Variants in NCEH1 observed in about 807,000 individuals in gnomAD.
NCEH1 encodes the protein neutral cholesterol ester hydrolase 1, also known as 2-acetyl MAGE hydrolase.
A neutral mutation model predicts 25.4 loss-of-function variants in NCEH1; 9 were observed. That is an observed-to-expected ratio of 0.35 (90% CI 0.21 to 0.62). The LOEUF (loss-of-function observed/expected upper bound fraction) is 0.62. Ranked by LOEUF, NCEH1 falls within the 20% of genes least tolerant of loss-of-function variation. The pLI, the probability that NCEH1 is intolerant of heterozygous loss-of-function variation, is 0.72. For synonymous variants in NCEH1, 200 were observed against 199.8 expected (o/e 1.00, Z -0.01); for missense variants, 412 against 501.1 (o/e 0.82, Z 1.70).
chr3:172,691,776 C>G (rs1297643000), intron 1 of NCEH1, among the ~76,000 whole-genome samples: 1 of 152,234 alleles, frequency 6.6e-6, no homozygotes, highest in Non-Finnish European at 1.5e-5. Context: ...GGTGAAACTC[C>G]ATCTCTACTA....
At chr3:172,673,916 C>T (rs1449022689) in intron 1 of NCEH1, among the ~76,000 whole-genome samples, 1 of 152,172 alleles carries the variant, frequency 6.6e-6, no homozygotes, top group Admixed American at 6.5e-5. Context: ...GATGAAAGTC[C>T]TTAAAATCCT....
intron 1 of NCEH1, among the ~76,000 whole-genome samples, chr3:172,665,471 T>G (rs1422901293): frequency 6.6e-6 from 1 of 152,226 alleles, no homozygotes; most frequent in Non-Finnish European, 1.5e-5. Context: ...CTGTCCGTTC[T>G]CAGATCTCAA....
intron 3 of NCEH1, among the ~76,000 whole-genome samples, chr3:172,636,699 G>A (rs958366560): frequency 4.6e-5 from 7 of 152,192 alleles, no homozygotes; most frequent in East Asian, 1.9e-4. Context: ...CCTAGAGCAG[G>A]CCCTCGGGGA....
At chr3:172,639,179 T>C (rs1261632639) in intron 3 of NCEH1, among the ~76,000 whole-genome samples, 1 of 151,370 alleles carries the variant, frequency 6.6e-6, no homozygotes, top group Admixed American at 6.6e-5. Context: ...GTGCTTGTAA[T>C]CCCAGCTACT....
intron 3 of NCEH1, 76 bp downstream of exon 3, chr3:172,645,547 T>A: frequency 3.3e-6 from 3 of 910,446 alleles, no homozygotes; most frequent in Non-Finnish European, 5.2e-6. Flanking sequence ...TTATCACTTG[T>A]AAAACAAAGT....
chr3:172,675,550 G>C (rs1013964843), intron 1 of NCEH1, among the ~76,000 whole-genome samples: 8 of 152,074 alleles, frequency 5.3e-5, no homozygotes, highest in Non-Finnish European at 8.8e-5. Flanking sequence ...TGTTGTAAGA[G>C]AGTCTGTGAA....
chr3:172,644,577 C>T (rs1224569987), intron 3 of NCEH1, among the ~76,000 whole-genome samples: 3 of 152,188 alleles, frequency 2.0e-5, no homozygotes, highest in African/African-American at 4.8e-5. Context: ...CCCATCTATG[C>T]GATGAGCTAG....
At chr3:172,689,660 G>C (rs1712917670) in intron 1 of NCEH1, among the ~76,000 whole-genome samples, 1 of 135,714 alleles carries the variant, frequency 7.4e-6, no homozygotes. Flanking sequence ...GCAATGAGCT[G>C]AGATTGTACC....
At chr3:172,707,352 C>T (rs542713712) in intron 1 of NCEH1, among the ~76,000 whole-genome samples, 12 of 152,308 alleles carry the variant, frequency 7.9e-5, no homozygotes, top group African/African-American at 2.9e-4. Flanking sequence ...TGCTATAACA[C>T]AGAAATTTGC....
intron 1 of NCEH1, among the ~76,000 whole-genome samples, chr3:172,650,930 T>G (rs1207073506): frequency 6.6e-6 from 1 of 151,708 alleles, no homozygotes; most frequent in African/African-American, 2.4e-5. Context: ...CAAGAAAAAC[T>G]GTGCTAATGT....
rs953009537 is a variant in NCEH1 at position 172,641,461 on chromosome 3, C to G, written c.437+4162G>C. On this transcript the variant is annotated intron_variant, in intron 3 of 4. Transcript: ENST00000475381. ...TGCTCATAAGAGGTGATTCCATTACCAAGGCTGCTGGAACCCCTGCCCACC... is the reference window on the plus strand; with the variant it reads ...TGCTCATAAGAGGTGATTCCATTACGAAGGCTGCTGGAACCCCTGCCCACC... Among the ~76,000 whole-genome samples, 8 of 152,218 alleles carry G rather than the reference C, an allele frequency of 5.3e-5. No homozygotes were observed. In the East Asian group the frequency reaches 9.7e-4, roughly 18 times the overall value.
intron 1 of NCEH1, among the ~76,000 whole-genome samples, chr3:172,652,522 T>TCC (rs1242063349): frequency 1.3e-5 from 2 of 152,134 alleles, no homozygotes; most frequent in Non-Finnish European, 2.9e-5. Flanking sequence ...TATAAGATCC[T>TCC]CCAAAACCTA....
At chr3:172,672,758 G>A (rs956408872) in intron 1 of NCEH1, among the ~76,000 whole-genome samples, 1 of 152,232 alleles carries the variant, frequency 6.6e-6, no homozygotes, top group Non-Finnish European at 1.5e-5. Flanking sequence ...TTGCAGGCTG[G>A]CAAAGTCCAG....
At position 172,635,906 on chromosome 3, in the gene NCEH1, G is replaced by A. The variant is rs776663950; in HGVS notation, c.609+10C>T. The A allele has an allele frequency of 1.2e-6, 2 of 1,613,798 alleles. No individual in the cohort carries two copies. The highest frequency in any genetic ancestry group is 1.7e-6 in the Non-Finnish European group (2 of 1,179,722). On this transcript the variant is annotated intron_variant, in intron 4 of 4. Coordinates refer to ENST00000475381, the MANE Select transcript of NCEH1 (RefSeq NM_020792.6). ...CTTAACCCACCAGCACCTTAGGACAGTGGTGTTACCTGTTGTCCAAGGGCA... is the reference window on the plus strand; with the variant it reads ...CTTAACCCACCAGCACCTTAGGACAATGGTGTTACCTGTTGTCCAAGGGCA...
chr3:172,675,554 CTG>C (rs1711948835), intron 1 of NCEH1, among the ~76,000 whole-genome samples: 1 of 151,758 alleles, frequency 6.6e-6, no homozygotes. Flanking sequence ...GTAAGAGAGT[CTG>C]TGAAAATCAT....
At chr3:172,671,431 G>A (rs550546027) in intron 1 of NCEH1, among the ~76,000 whole-genome samples, 44 of 151,630 alleles carry the variant, frequency 2.9e-4, no homozygotes, top group African/African-American at 9.7e-4. Context: ...CATACCTTTC[G>A]GGTAAAATAT....
chr3:172,640,547 GC>G (rs1338353669), intron 3 of NCEH1, among the ~76,000 whole-genome samples: 1 of 151,498 alleles, frequency 6.6e-6, no homozygotes, highest in Admixed American at 6.6e-5. Flanking sequence ...TCGCTCTGTC[GC>G]CCAGGCTGGA....
chr3:172,706,499 C>CTTTTTTTTTTTT (rs768288361), intron 1 of NCEH1, among the ~76,000 whole-genome samples: 2 of 126,466 alleles, frequency 1.6e-5, no homozygotes, highest in African/African-American at 3.1e-5. Context: ...TTACATTTTT[C>CTTTTTTTTTTTT]TTTTTTTTTT....
chr3:172,706,042 T>C (rs909155154), intron 1 of NCEH1, among the ~76,000 whole-genome samples: 2 of 151,184 alleles, frequency 1.3e-5, no homozygotes, highest in Admixed American at 6.6e-5. Flanking sequence ...ACCCATGTCT[T>C]GTTTGCAGGC....
Sources: gnomAD v4.1 joint callset for allele counts (sites outside exome capture counted in the v4.1 genomes callset) on GRCh38, gnomAD v4.1.1 for gene constraint, MANE v1.5 for transcripts, NCBI Gene and HGNC (gene_info 2026-07-23, HGNC 2026-07-21) for gene names.